MS4A4E: variants seen among roughly 807,000 people sequenced by gnomAD.
The protein encoded by MS4A4E is membrane spanning 4-domains A4E, also known as putative membrane-spanning 4-domains subfamily A member 4E.
In MS4A4E, 23 loss-of-function variants were observed where a neutral mutation model predicts 13.3. The ratio of observed to expected loss-of-function variants is 1.73; its 90% CI spans 1.25 to 2.45. The LOEUF (loss-of-function observed/expected upper bound fraction) is 2.45, where lower values mean the gene tolerates loss of function less well. Ranked by LOEUF, MS4A4E falls within the 30% of genes most tolerant of loss-of-function variation. MS4A4E has a pLI of 0.00. For missense variants in MS4A4E, 144 were observed against 131.2 expected (o/e 1.10, Z -0.48); for synonymous variants, 36 against 45.6 (o/e 0.79, Z 0.85).
chr11:60,213,819 A>C (rs1009623777), intron 4 of MS4A4E, among the ~76,000 whole-genome samples: 2 of 152,128 alleles, frequency 1.3e-5, no homozygotes, highest in African/African-American at 4.8e-5. Context: ...GTTACATTTT[A>C]AATTTGCTGC....
intron 3 of MS4A4E, among the ~76,000 whole-genome samples, chr11:60,215,950 G>A (rs2084186509): frequency 6.6e-6 from 1 of 151,966 alleles, no homozygotes; most frequent in African/African-American, 2.4e-5. Flanking sequence ...ATTTACCACA[G>A]GAAAAAATAT....
At chr11:60,226,786 A>G (rs2084349910) in intron 3 of MS4A4E, among the ~76,000 whole-genome samples, 2 of 152,212 alleles carry the variant, frequency 1.3e-5, no homozygotes, top group Admixed American at 6.5e-5. Flanking sequence ...CATAGCTGAA[A>G]TGGTAAGACA....
At chr11:60,233,896 C>T (rs7350544) in intron 1 of MS4A4E, among the ~76,000 whole-genome samples, 23,108 of 152,136 alleles carry the variant, frequency 0.15, 2,015 homozygotes, top group African/African-American at 0.23. Flanking sequence ...AGCTGAAGCA[C>T]GGACTGAGTC....
At chr11:60,203,547 A>C (rs541514335) in intron 8 of MS4A4E, among the ~76,000 whole-genome samples, 2 of 152,218 alleles carry the variant, frequency 1.3e-5, no homozygotes, top group South Asian at 4.2e-4. Context: ...TCATGAGTTC[A>C]ACACCATCCT....
intron 1 of MS4A4E, among the ~76,000 whole-genome samples, chr11:60,234,778 C>CG (rs2084458886): frequency 1.1e-5 from 1 of 90,926 alleles, no homozygotes; most frequent in South Asian, 3.1e-4. Context: ...ACAAAAACAA[C>CG]CCCCCCCCCC....
At chr11:60,214,496 C>A in intron 4 of MS4A4E, 75 bp downstream of exon 4, 1 of 1,065,470 alleles carries the variant, frequency 9.4e-7, no homozygotes, top group South Asian at 1.9e-5. Flanking sequence ...ACAAACAAAA[C>A]CTGTTTTATA....
chr11:60,229,802 G>T, intron 2 of MS4A4E, 110 bp downstream of exon 2: 4 of 1,054,412 alleles, frequency 3.8e-6, no homozygotes, highest in Non-Finnish European at 5.4e-6. Context: ...ATGTTACTAG[G>T]GCTGGTTGAT....
intron 1 of MS4A4E, among the ~76,000 whole-genome samples, chr11:60,237,822 T>G (rs775688941): frequency 6.6e-6 from 1 of 152,172 alleles, no homozygotes; most frequent in African/African-American, 2.4e-5. Context: ...TCATTAATTC[T>G]AATAGCTTTT....
At chr11:60,241,290 C>T (rs981151499) in intron 1 of MS4A4E, among the ~76,000 whole-genome samples, 9 of 152,322 alleles carry the variant, frequency 5.9e-5, no homozygotes, top group South Asian at 2.1e-4. Context: ...TCCCAAAGTG[C>T]TGGAATTACA....
chr11:60,216,631 GTA>G (rs199838617), intron 3 of MS4A4E, among the ~76,000 whole-genome samples: 3 of 150,046 alleles, frequency 2.0e-5, no homozygotes, highest in Admixed American at 6.7e-5. Flanking sequence ...TATATCATAT[GTA>G]TATATATATA....
intron 3 of MS4A4E, among the ~76,000 whole-genome samples, chr11:60,214,943 C>A (rs2084171982): frequency 6.6e-6 from 1 of 151,888 alleles, no homozygotes; most frequent in African/African-American, 2.4e-5. Flanking sequence ...ATATTGAATA[C>A]AATAAACAAA....
At chr11:60,232,394 G>A (rs1040938852) in intron 1 of MS4A4E, among the ~76,000 whole-genome samples, 1 of 151,338 alleles carries the variant, frequency 6.6e-6, no homozygotes, top group Non-Finnish European at 1.5e-5. Flanking sequence ...CAAAGGAGTA[G>A]CAGAAATCTT....
At chr11:60,237,280 T>C (rs1470049893) in intron 1 of MS4A4E, among the ~76,000 whole-genome samples, 1 of 152,216 alleles carries the variant, frequency 6.6e-6, no homozygotes, top group Non-Finnish European at 1.5e-5. Context: ...CATGATCTTG[T>C]TCTTTTTTTA....
intron 5 of MS4A4E, among the ~76,000 whole-genome samples, chr11:60,211,202 C>G (rs1248469360): frequency 3.9e-4 from 59 of 152,196 alleles, no homozygotes; most frequent in Non-Finnish European, 7.3e-5. Flanking sequence ...AGAAGTTCTA[C>G]AATTGAATCT....
chr11:60,238,704 A>G (rs149738187), intron 1 of MS4A4E, among the ~76,000 whole-genome samples: 1 of 152,052 alleles, frequency 6.6e-6, no homozygotes, highest in African/African-American at 2.4e-5. Context: ...AGTTGTTTCC[A>G]TTTAGTTTGT....
chr11:60,202,069 C>G (rs1167927685), intron 8 of MS4A4E, among the ~76,000 whole-genome samples, 190 bp from the exon 9 acceptor site: 2 of 152,174 alleles, frequency 1.3e-5, no homozygotes, highest in African/African-American at 2.4e-5. Flanking sequence ...AGAGCCCTTG[C>G]TCTCAGACAT....
intron 1 of MS4A4E, among the ~76,000 whole-genome samples, chr11:60,231,131 G>C (rs2084405735): frequency 6.6e-6 from 1 of 152,200 alleles, no homozygotes; most frequent in Admixed American, 6.5e-5. Context: ...TTAAAGTTGG[G>C]AGAAGGAGGG....
At chr11:60,209,150 G>A (rs1037712844) in intron 5 of MS4A4E, 4 of 152,208 alleles carry the variant, frequency 2.6e-5, no homozygotes, top group Non-Finnish European at 5.9e-5. Flanking sequence ...TCCCTGGGGG[G>A]ACCATTGTTC....
chr11:60,236,101 A>T lies in MS4A4E; in HGVS notation c.-16-6030T>A, dbSNP rs1391337314. On this transcript the variant is annotated intron_variant, in intron 1 of 8. Coordinates refer to ENST00000651255, the MANE Select transcript of MS4A4E (RefSeq NM_001393391.1). ...AAATATAGAGGTTTATTTCTAGATGATTCTATTCCATCCCATTTTTATTTT... is the reference window on the plus strand; with the variant it reads ...AAATATAGAGGTTTATTTCTAGATGTTTCTATTCCATCCCATTTTTATTTT... Among the ~76,000 whole-genome samples, 3 of 152,204 alleles carry T rather than the reference A, an allele frequency of 2.0e-5. No individual in the cohort carries two copies. In the East Asian group the frequency reaches 5.8e-4, roughly 29 times the overall value.
Sources: allele counts gnomAD v4.1 joint callset (sites outside exome capture counted in the v4.1 genomes callset), GRCh38; gene constraint gnomAD v4.1.1; transcripts MANE v1.5; gene names NCBI Gene and HGNC (gene_info 2026-07-23, HGNC 2026-07-21).